UHRF1: variants seen among roughly 807,000 people sequenced by gnomAD.
The protein encoded by UHRF1 is ubiquitin like with PHD and ring finger domains 1.
In UHRF1, 9 loss-of-function variants were observed where a neutral mutation model predicts 96.5. The observed-to-expected ratio is 0.09, with a 90% CI of 0.06 to 0.16. The LOEUF is 0.16. UHRF1 is among the 10% of genes least tolerant of loss of function. The pLI is 1.00. For synonymous variants in UHRF1, 455 were observed against 469.9 expected (o/e 0.97, Z 0.41); for missense variants, 626 against 1,131.1 (o/e 0.55, Z 6.40).
intron 11 of UHRF1, among the ~76,000 whole-genome samples, chr19:4,947,488 A>ATTTTTTTTTTTTT (rs1568427975): frequency 2.8e-5 from 2 of 70,370 alleles, no homozygotes; most frequent in African/African-American, 1.1e-4. Flanking sequence ...GATAATAGAT[A>ATTTTTTTTTTTTT]TCTTTTTTTT....
At chr19:4,956,509 G>T (rs1222946670) in intron 15 of UHRF1, among the ~76,000 whole-genome samples, 200 bp from the exon 16 acceptor site, 1 of 152,196 alleles carries the variant, frequency 6.6e-6, no homozygotes, top group Non-Finnish European at 1.5e-5. Context: ...TGCCACTTGG[G>T]GTGTTGGGGA....
At chr19:4,943,036 G>A (rs2033453482) in intron 7 of UHRF1, among the ~76,000 whole-genome samples, 1 of 151,834 alleles carries the variant, frequency 6.6e-6, no homozygotes, top group African/African-American at 2.4e-5. Context: ...TCAGGAAATT[G>A]AGGCCAGCCT....
chr19:4,944,013 G>T, intron 7 of UHRF1, 119 bp from the exon 8 acceptor site: 1 of 1,481,516 alleles, frequency 6.7e-7, no homozygotes, highest in Non-Finnish European at 9.1e-7. Context: ...TGTGGACAGG[G>T]CAGGATGGTA....
chr19:4,924,376 C>A (rs562141746), intron 2 of UHRF1, among the ~76,000 whole-genome samples: 8 of 152,294 alleles, frequency 5.3e-5, no homozygotes, highest in Admixed American at 2.0e-4. Flanking sequence ...GTCTTGATCT[C>A]CTGACTTCAT....
At chr19:4,917,075 G>GGA (rs1555745223) in intron 2 of UHRF1, among the ~76,000 whole-genome samples, 2 of 151,508 alleles carry the variant, frequency 1.3e-5, no homozygotes, top group African/African-American at 4.9e-5. Flanking sequence ...CTCGGTGGGG[G>GGA]GGGGGGGTGC....
rs543779456 is a variant in UHRF1, at chr19:4,940,359, A to ATTTTTTTT, written c.786-1152_786-1145dup. Among the ~76,000 whole-genome samples, 320 of 67,060 alleles carry ATTTTTTTT rather than the reference A, an allele frequency of 4.8e-3. 22 individuals carry two copies. The highest frequency in any genetic ancestry group is 0.02 in the East Asian group (34 of 1,672). 44.0% of individuals were successfully genotyped at this position (67,060 alleles called of 152,430 possible). ...CATTGGATCAAGCGTTGCCTTTATGATTTTTTTTTTTTTTTTTTTTTTTTG... is the reference window on the plus strand; with the variant it reads ...CATTGGATCAAGCGTTGCCTTTATGATTTTTTTTTTTTTTTTTTTTTTTTTTTTTTTTG... On this transcript the variant is annotated intron_variant, in intron 5 of 16. Coordinates refer to ENST00000650932, the MANE Select transcript of UHRF1 (RefSeq NM_001048201.3).
chr19:4,931,894 G>C (rs1471110726), intron 4 of UHRF1, among the ~76,000 whole-genome samples: 1 of 152,188 alleles, frequency 6.6e-6, no homozygotes, highest in Non-Finnish European at 1.5e-5. Flanking sequence ...CCAAGTGGCT[G>C]GGACTACAGG....
chr19:4,941,362 C>T (rs1026342778), intron 5 of UHRF1, among the ~76,000 whole-genome samples, 166 bp from the exon 6 acceptor site: 9 of 152,020 alleles, frequency 5.9e-5, no homozygotes, highest in Non-Finnish European at 8.8e-5. Context: ...TGAGCCACTG[C>T]GCCCTGTTCC....
chr19:4,959,141 C>A (rs1443259558), intron 16 of UHRF1, among the ~76,000 whole-genome samples: 1 of 151,880 alleles, frequency 6.6e-6, no homozygotes, highest in Admixed American at 6.6e-5. Context: ...ACCACCATGG[C>A]CAACATGATG....
Position 4,954,229 on chromosome 19 carries a change from A to C in UHRF1, c.1819-121A>C. The stretch of plus-strand genomic sequence containing the variant: ...AAGGGAGGACTACCCTGTGCTCTTC[A>C]GGGGGATTGGGGGTCAGGTGTGTCT... On this transcript the variant is annotated intron_variant, in intron 13 of 16. Coordinates refer to ENST00000650932, the MANE Select transcript of UHRF1 (RefSeq NM_001048201.3). The surrounding 1 kb of genome is among the most constrained non-coding windows in gnomAD (Gnocchi z 5.9). 1 of 1,455,970 alleles carries C rather than the reference A, an allele frequency of 6.9e-7. No individual in the cohort carries two copies. Among genetic ancestry groups the C allele is most frequent in the Non-Finnish European group, 9.3e-7 (1 of 1,077,554 alleles). The allele number at this position is 1,455,970 out of a possible 1,614,324, so 90.2% of individuals were successfully genotyped here.
At chr19:4,919,582 G>C (rs1190886038) in intron 2 of UHRF1, among the ~76,000 whole-genome samples, 4 of 151,982 alleles carry the variant, frequency 2.6e-5, no homozygotes, top group Non-Finnish European at 4.4e-5. Flanking sequence ...GATTACAGGT[G>C]TGAGCCACCG....
chr19:4,910,050 G>C (rs1251075006), intron 1 of UHRF1: 1 of 164,616 alleles, frequency 6.1e-6, no homozygotes, highest in Non-Finnish European at 1.3e-5. Flanking sequence ...GGGGCGGCCG[G>C]GTGCTGCGGA....
chr19:4,916,630 C>T (rs924919477), intron 2 of UHRF1, among the ~76,000 whole-genome samples: 1 of 151,954 alleles, frequency 6.6e-6, no homozygotes, highest in Non-Finnish European at 1.5e-5. Context: ...GCCCTCGCGG[C>T]GCCGTCCACG....
intron 10 of UHRF1, 34 bp from the exon 11 acceptor site, chr19:4,947,071 C>G: frequency 6.5e-7 from 1 of 1,531,960 alleles, no homozygotes. Flanking sequence ...TTTGCCTCTG[C>G]AGAGGGTTCA....
chr19:4,952,393 CTTTTTTT>C (rs150183272), intron 13 of UHRF1, among the ~76,000 whole-genome samples: 1 of 82,528 alleles, frequency 1.2e-5, no homozygotes, highest in Non-Finnish European at 2.2e-5. Flanking sequence ...CGCTCCCAGC[CTTTTTTT>C]TTTTTTTTTT....
At chr19:4,948,019 A>G (rs936117008) in intron 11 of UHRF1, among the ~76,000 whole-genome samples, 3 of 148,274 alleles carry the variant, frequency 2.0e-5, no homozygotes, top group African/African-American at 7.5e-5. Flanking sequence ...CAGGAGGATC[A>G]CTTGAGCCCA....
At chr19:4,947,044 C>T (rs12974635) in intron 10 of UHRF1, 61 bp from the exon 11 acceptor site, 231,001 of 1,267,076 alleles carry the variant, frequency 0.18, 24,444 homozygotes, top group African/African-American at 0.23. Context: ...GCTTTCAATG[C>T]AGTCTCTTTT....
rs8107915 is a variant in UHRF1, at chr19:4,933,423, C to A, written c.785+467C>A. On this transcript the variant is annotated intron_variant, in intron 5 of 16. Transcript: ENST00000650932. ...AGTAGAGACGGGGTTTCACCGTTAA[C>A]CAGGATGGTCTCGATCTCCTGACCT... Among the ~76,000 whole-genome samples the A allele has an allele frequency of 2.8e-3, 424 of 152,238 alleles. 3 individuals are homozygous for A. The highest frequency in any genetic ancestry group is 9.6e-3 in the African/African-American group (399 of 41,540).
chr19:4,938,618 C>T (rs2033285251), intron 5 of UHRF1, among the ~76,000 whole-genome samples: 1 of 151,164 alleles, frequency 6.6e-6, no homozygotes. Context: ...ACCCCCAGAT[C>T]CTGGCTTCAA....
Sources: allele counts gnomAD v4.1 joint callset (sites outside exome capture counted in the v4.1 genomes callset), GRCh38; gene constraint gnomAD v4.1.1; non-coding constraint Gnocchi (gnomAD v3.1); transcripts MANE v1.5; gene names NCBI Gene and HGNC (gene_info 2026-07-23, HGNC 2026-07-21).